The following CAMK2A variants were observed in gnomAD, a reference collection of about 807,000 sequenced individuals.
The protein encoded by CAMK2A is calcium/calmodulin-dependent protein kinase type II subunit alpha.
Under a neutral mutation model 79.2 loss-of-function variants are expected in CAMK2A, and 7 were observed. The observed-to-expected ratio is 0.09, with a 90% CI of 0.05 to 0.17. CAMK2A has a LOEUF of 0.17. Among genes scored for constraint, CAMK2A ranks in the 10% least tolerant of loss-of-function variants. The pLI is 1.00. For missense variants in CAMK2A, 214 were observed against 646.4 expected, an observed-to-expected ratio of 0.33 and a Z score of 7.25; for synonymous variants, 242 against 251.7, an observed-to-expected ratio of 0.96 and a Z score of 0.36.
At chr5:150,225,893 C>T (rs762714761) in intron 17 of CAMK2A, among the ~76,000 whole-genome samples, 1 of 152,052 alleles carries the variant, frequency 6.6e-6, no homozygotes, top group Non-Finnish European at 1.5e-5. Context: ...TACAGGTGTG[C>T]ACCACCATAC....
At chr5:150,231,401 C>A in intron 15 of CAMK2A, 21 bp from the exon 16 acceptor site, 2 of 976,404 alleles carry the variant, frequency 2.0e-6, no homozygotes, top group South Asian at 2.1e-5. Flanking sequence ...GAAGGGGACA[C>A]AGAAATAATA....
intron 2 of CAMK2A, among the ~76,000 whole-genome samples, chr5:150,266,941 T>C (rs1156664086): frequency 1.3e-5 from 2 of 152,040 alleles, no homozygotes; most frequent in African/African-American, 4.8e-5. Context: ...CCTGCCCCCT[T>C]CACTAGAGCA....
chr5:150,255,832 G>C (rs933961875), intron 6 of CAMK2A, among the ~76,000 whole-genome samples: 1 of 152,200 alleles, frequency 6.6e-6, no homozygotes, highest in African/African-American at 2.4e-5. Context: ...CCTAGCTAAG[G>C]ACAATTGAAC....
Position 150,228,232 on chromosome 5 carries a change from C to G in CAMK2A, c.1197G>C (p.Leu399=). The G allele has an allele frequency of 6.2e-7, 1 of 1,614,010 alleles. No homozygotes were observed. ...ATCGATGGAAGTCCAGGCCCTCAAC[C>G]AGGTTCCCCAGGGCCTCAGGTTCGA... The part of the protein sequence containing the change: ...TAFEPEALGN[L]VEGLDFHRFY... The change falls in exon 17 of 19, where the codon CTG becomes CTC. Residue 399 remains leucine, a synonymous_variant. Coordinates refer to ENST00000671881, the MANE Select transcript of CAMK2A (RefSeq NM_015981.4).
intron 2 of CAMK2A, among the ~76,000 whole-genome samples, chr5:150,272,397 G>A (rs532582750): frequency 2.8e-4 from 43 of 151,982 alleles, no homozygotes; most frequent in Non-Finnish European, 5.4e-4. Flanking sequence ...AAACCCCATC[G>A]CTACTAAAAA....
intron 13 of CAMK2A, among the ~76,000 whole-genome samples, chr5:150,242,672 G>C (rs537090424): frequency 4.3e-4 from 65 of 152,234 alleles, no homozygotes; most frequent in African/African-American, 1.4e-3. Flanking sequence ...CGCTGGCCTG[G>C]GTCACCCAGG....
At chr5:150,272,563 A>T (rs1756793016) in intron 2 of CAMK2A, among the ~76,000 whole-genome samples, 1 of 148,002 alleles carries the variant, frequency 6.8e-6, no homozygotes, top group South Asian at 2.1e-4. Context: ...CAAGAGTGAA[A>T]CTCCATCTCA....
At chr5:150,230,057 C>T (rs569887308) in intron 16 of CAMK2A, among the ~76,000 whole-genome samples, 18 of 152,042 alleles carry the variant, frequency 1.2e-4, no homozygotes, top group East Asian at 5.8e-4. Context: ...CGGTAGCTGA[C>T]GCCTGTAATC....
chr5:150,281,233 G>A (rs1757202306), intron 1 of CAMK2A, among the ~76,000 whole-genome samples: 1 of 152,222 alleles, frequency 6.6e-6, no homozygotes, highest in South Asian at 2.1e-4. Context: ...TCACTTCTCT[G>A]AGATGAGCTG....
At position 150,222,606 on chromosome 5, in the gene CAMK2A, ATGGGAGAATTCCAGCAAAATCCACC is replaced by A; in HGVS notation, c.*79_*103del. On this transcript the variant is annotated 3_prime_UTR_variant, in exon 19 of 19. Coordinates refer to ENST00000671881, the MANE Select transcript of CAMK2A (RefSeq NM_015981.4). ...GAAGTGACGGTGGTGGGGTGATGAC[ATGGGAGAATTCCAGCAAAATCCACC>A]TGGGAGAACCAGCAGCTCCACTCCA... The A allele has an allele frequency of 1.6e-6, 2 of 1,271,160 alleles. No homozygotes were observed. The highest frequency in any genetic ancestry group is 2.4e-5 in the South Asian group (2 of 83,064). 78.7% of individuals were successfully genotyped at this position (1,271,160 alleles called of 1,614,324 possible).
chr5:150,240,409 C>T (rs187204386), intron 13 of CAMK2A, among the ~76,000 whole-genome samples: 2 of 152,290 alleles, frequency 1.3e-5, no homozygotes, highest in Non-Finnish European at 2.9e-5. Context: ...TGGTGGCTGG[C>T]CTATTCCACC....
intron 2 of CAMK2A, among the ~76,000 whole-genome samples, chr5:150,267,805 T>A (rs73268725): frequency 6.6e-6 from 1 of 150,912 alleles, no homozygotes; most frequent in Non-Finnish European, 1.5e-5. Context: ...CCAAAATCAC[T>A]CTGAAAACTC....
chr5:150,238,684 G>A lies in CAMK2A; in HGVS notation c.1066+16C>T, dbSNP rs780147512. On this transcript the variant is annotated intron_variant, in intron 15 of 18. Transcript: ENST00000671881. ...CAGAAGTCTAAGGGGTCCCGACACTGAAGGCCCCTCCCTACCTTTGGTGTC... is the reference window on the plus strand; with the variant it reads ...CAGAAGTCTAAGGGGTCCCGACACTAAAGGCCCCTCCCTACCTTTGGTGTC... The A allele has an allele frequency of 1.3e-6, 2 of 1,599,488 alleles. No individual in the cohort carries two copies. Among genetic ancestry groups the A allele is most frequent in the Non-Finnish European group, 1.7e-6 (2 of 1,171,420 alleles).
At chr5:150,232,512 C>T (rs1754886967) in intron 15 of CAMK2A, among the ~76,000 whole-genome samples, 1 of 152,230 alleles carries the variant, frequency 6.6e-6, no homozygotes, top group African/African-American at 2.4e-5. Flanking sequence ...AGCCAGGTGT[C>T]CTGGCTCCTG....
rs986505783 is a variant in CAMK2A at position 150,221,457 on chromosome 5, C to T, written c.*1253G>A. 52 of 398,516 alleles carry T rather than the reference C, an allele frequency of 1.3e-4. No homozygotes were observed. The highest frequency in any genetic ancestry group is 2.6e-4 in the South Asian group (2 of 7,834). The allele number at this position is 398,516 out of a possible 1,614,324, so 24.7% of individuals were successfully genotyped here. A position where few individuals can be genotyped will look rare whatever the true frequency, so the allele number is the denominator to read the frequency against. On this transcript the variant is annotated 3_prime_UTR_variant, in exon 19 of 19. Transcript: ENST00000671881. ...AGAGGTGGGTGGGGGGTGCTGGGGGCGGCACACAGATATGGTGAGATGAAA... is the reference window on the plus strand; with the variant it reads ...AGAGGTGGGTGGGGGGTGCTGGGGGTGGCACACAGATATGGTGAGATGAAA...
Position 150,223,210 on chromosome 5 carries a change from G to A in CAMK2A, c.1245C>T (p.Ser415=), listed in dbSNP as rs1453071536. ...TGGTGTGCACGGGCTTGCTGTTCCG[G>A]GACCACACTGGAGGAGGGGATGGGA... is the stretch of plus-strand genomic sequence containing the variant. The part of the protein sequence containing the change: ...FHRFYFENLW[S]RNSKPVHTTI... The change falls in exon 18 of 19, where the codon TCC becomes TCT. Residue 415 remains serine (S), a synonymous_variant. Transcript: ENST00000671881. The surrounding 1 kb of genome is among the most constrained non-coding windows in gnomAD (Gnocchi z 4.1). 1 of 1,613,180 alleles carries A rather than the reference G, an allele frequency of 6.2e-7. No individual in the cohort carries two copies. The highest frequency in any genetic ancestry group is 1.7e-5 in the Admixed American group (1 of 60,028).
At chr5:150,280,013 T>A (rs1245627204) in intron 1 of CAMK2A, among the ~76,000 whole-genome samples, 1 of 152,178 alleles carries the variant, frequency 6.6e-6, no homozygotes, top group African/African-American at 2.4e-5. Flanking sequence ...GAGTCAGAAG[T>A]CCTGAGCCCT....
At chr5:150,225,936 C>T (rs1317798953) in intron 17 of CAMK2A, among the ~76,000 whole-genome samples, 5 of 151,942 alleles carry the variant, frequency 3.3e-5, no homozygotes, top group South Asian at 2.1e-4. Context: ...GTAAAGATGG[C>T]GTTTCACCAT....
At chr5:150,271,951 C>T (rs1756765838) in intron 2 of CAMK2A, among the ~76,000 whole-genome samples, 1 of 152,200 alleles carries the variant, frequency 6.6e-6, no homozygotes, top group African/African-American at 2.4e-5. Flanking sequence ...GGCCCAGGAC[C>T]ACTTCTAAGG....
Sources: gnomAD v4.1 joint callset for allele counts (sites outside exome capture counted in the v4.1 genomes callset) on GRCh38, gnomAD v4.1.1 for gene constraint, Gnocchi (gnomAD v3.1) non-coding constraint, MANE v1.5 for transcripts, NCBI Gene and HGNC (gene_info 2026-07-23, HGNC 2026-07-21) for gene names.